The following WDR72 variants were observed in gnomAD, a reference collection of about 807,000 sequenced individuals.
WDR72 encodes WD repeat-containing protein 72.
WDR72 carries 120 observed loss-of-function variants against 124.2 expected under a neutral mutation model. That is an observed-to-expected ratio of 0.97 (90% CI 0.83 to 1.12). WDR72 has a LOEUF of 1.12. Ranked by LOEUF, WDR72 falls within the 50% of genes most tolerant of loss-of-function variation. The probability of loss-of-function intolerance (pLI) is 0.00; values close to 1 mark genes in which losing one functional copy is unlikely to be tolerated. For synonymous variants in WDR72, 452 were observed against 441.7 expected (o/e 1.02, Z -0.29); for missense variants, 1,387 against 1,278.8 (o/e 1.08, Z -1.29).
intron 13 of WDR72, among the ~76,000 whole-genome samples, chr15:53,687,247 C>G (rs560554154): frequency 2.3e-4 from 34 of 148,696 alleles, no homozygotes; most frequent in African/African-American, 7.8e-4. Context: ...CACAAAAAAC[C>G]CTTCAAAAAA....
chr15:53,628,393 C>T (rs902306027), intron 14 of WDR72, among the ~76,000 whole-genome samples: 1 of 151,996 alleles, frequency 6.6e-6, no homozygotes, highest in African/African-American at 2.4e-5. Flanking sequence ...TGAGAGATGG[C>T]ACAGATGATA....
In WDR72 at chr15:53,587,509, T is replaced by A. The variant is rs536614147; in HGVS notation, c.3148+9570A>T. On this transcript the variant is annotated intron_variant, in intron 18 of 19. Coordinates refer to ENST00000360509, the MANE Select transcript of WDR72 (RefSeq NM_182758.4). ...GCCCAGGATTTTGCACATAATACTT[T>A]ACTATAAGTTACTTACCATTTATTT... 3.3e-5 allele frequency among the ~76,000 whole-genome samples: 5 copies of A among 152,120 alleles called. No individual in the cohort carries two copies. The South Asian group carries it at 1.0e-3, about 32-fold the overall frequency.
At chr15:53,522,652 T>A (rs1313880544) in intron 19 of WDR72, among the ~76,000 whole-genome samples, 2 of 152,098 alleles carry the variant, frequency 1.3e-5, no homozygotes, top group Admixed American at 6.5e-5. Flanking sequence ...AAAGGATATA[T>A]ACAAATATGT....
intron 14 of WDR72, among the ~76,000 whole-genome samples, chr15:53,645,745 T>C (rs62005954): frequency 0.21 from 32,414 of 152,114 alleles, 3,876 homozygotes; most frequent in East Asian, 0.46. Context: ...TATCTAAATA[T>C]AAAAGGAAAA....
intron 14 of WDR72, among the ~76,000 whole-genome samples, chr15:53,647,971 C>G (rs1408397192): frequency 2.6e-5 from 4 of 152,104 alleles, no homozygotes; most frequent in African/African-American, 7.2e-5. Flanking sequence ...GCTCCTTCCA[C>G]TACATGAAAT....
intron 14 of WDR72, among the ~76,000 whole-genome samples, chr15:53,651,739 G>A (rs2015248597): frequency 6.6e-6 from 1 of 152,284 alleles, no homozygotes; most frequent in Admixed American, 6.5e-5. Flanking sequence ...TGCAACGCCT[G>A]CCTCCCAGGT....
intron 9 of WDR72, among the ~76,000 whole-genome samples, chr15:53,707,648 G>A (rs550480251): frequency 9.5e-4 from 144 of 152,076 alleles, no homozygotes; most frequent in African/African-American, 3.4e-3. Flanking sequence ...GGGTTTCACC[G>A]TGTTAGCCAG....
At chr15:53,725,028 T>C (rs752680263) in intron 2 of WDR72, among the ~76,000 whole-genome samples, 6 of 151,946 alleles carry the variant, frequency 3.9e-5, no homozygotes, top group Admixed American at 6.6e-5. Context: ...AAGCCACAGA[T>C]TGAGAGAAAT....
At chr15:53,752,865 C>T (rs371494688) in intron 1 of WDR72, among the ~76,000 whole-genome samples, 2 of 151,912 alleles carry the variant, frequency 1.3e-5, no homozygotes, top group Non-Finnish European at 2.9e-5. Flanking sequence ...TCTACATTAT[C>T]GGCTCCTTGA....
At chr15:53,690,628 G>T (rs1428933329) in intron 13 of WDR72, among the ~76,000 whole-genome samples, 1 of 152,128 alleles carries the variant, frequency 6.6e-6, no homozygotes, top group East Asian at 1.9e-4. Context: ...ACATTTTGAG[G>T]GTGGAGTAAC....
chr15:53,698,275 A>T (rs1567034720), intron 13 of WDR72, among the ~76,000 whole-genome samples: 1 of 152,160 alleles, frequency 6.6e-6, no homozygotes, highest in Non-Finnish European at 1.5e-5. Flanking sequence ...GTGCCCAGAT[A>T]TTTATTTATT....
chr15:53,572,069 T>C (rs774900288), intron 18 of WDR72, among the ~76,000 whole-genome samples: 4 of 152,160 alleles, frequency 2.6e-5, no homozygotes, highest in Non-Finnish European at 5.9e-5. Flanking sequence ...GATTATTTGT[T>C]CTCTTGTTAT....
chr15:53,591,629 G>T (rs1038156109), intron 18 of WDR72, among the ~76,000 whole-genome samples: 1 of 151,194 alleles, frequency 6.6e-6, no homozygotes, highest in African/African-American at 2.4e-5. Context: ...CACAAAAATA[G>T]AAATTCCAAA....
intron 17 of WDR72, among the ~76,000 whole-genome samples, chr15:53,599,531 T>C (rs1470049255): frequency 6.6e-6 from 1 of 152,184 alleles, no homozygotes; most frequent in East Asian, 1.9e-4. Flanking sequence ...AGTAACAGAA[T>C]AGTGCATGGA....
At chr15:53,585,432 A>T (rs1025078002) in intron 18 of WDR72, among the ~76,000 whole-genome samples, 2 of 151,966 alleles carry the variant, frequency 1.3e-5, no homozygotes, top group Admixed American at 6.6e-5. Context: ...GGAATTACAG[A>T]TCCCTCCCTC....
intron 13 of WDR72, 75 bp from the exon 14 acceptor site, chr15:53,665,843 T>A (rs2015760860): frequency 7.1e-7 from 1 of 1,417,350 alleles, no homozygotes; most frequent in African/African-American, 1.4e-5. Flanking sequence ...CAAACACTCT[T>A]TAGCAGAAGA....
chr15:53,647,498 A>G (rs2015083895), intron 14 of WDR72, among the ~76,000 whole-genome samples: 1 of 152,110 alleles, frequency 6.6e-6, no homozygotes, highest in South Asian at 2.1e-4. Context: ...ACAAAATTTC[A>G]TATAATTTTA....
intron 13 of WDR72, among the ~76,000 whole-genome samples, chr15:53,670,441 C>G (rs921780975): frequency 1.3e-5 from 2 of 152,136 alleles, no homozygotes; most frequent in African/African-American, 4.8e-5. Flanking sequence ...TCAGCATAAC[C>G]CACAGCATAC....
At chr15:53,589,320 C>G (rs530194196) in intron 18 of WDR72, among the ~76,000 whole-genome samples, 2 of 151,582 alleles carry the variant, frequency 1.3e-5, no homozygotes, top group African/African-American at 2.4e-5. Context: ...GTATTCAAGA[C>G]TTTGTCTGGA....
Sources: gnomAD v4.1 joint callset for allele counts (sites outside exome capture counted in the v4.1 genomes callset) on GRCh38, gnomAD v4.1.1 for gene constraint, MANE v1.5 for transcripts, NCBI Gene and HGNC (gene_info 2026-07-23, HGNC 2026-07-21) for gene names.